FHIT: variants seen among roughly 807,000 people sequenced by gnomAD.
FHIT encodes the protein bis(5'-adenosyl)-triphosphatase.
In FHIT, 19 loss-of-function variants were observed where a neutral mutation model predicts 17.9. The ratio of observed to expected loss-of-function variants is 1.06; its 90% CI spans 0.74 to 1.56. The LOEUF is 1.56. Among genes scored for constraint, FHIT ranks in the 40% most tolerant of loss-of-function variants. The probability of loss-of-function intolerance (pLI) is 0.00; values close to 1 mark genes in which losing one functional copy is unlikely to be tolerated. For synonymous variants in FHIT, 81 were observed against 69.7 expected (o/e 1.16, Z -0.81); for missense variants, 248 against 189.2 (o/e 1.31, Z -1.82).
At chr3:60,517,634 T>C (rs891788938) in intron 5 of FHIT, among the ~76,000 whole-genome samples, 1 of 152,242 alleles carries the variant, frequency 6.6e-6, no homozygotes, top group East Asian at 1.9e-4. Context: ...GCATTTTATA[T>C]GAAAATTATA....
chr3:60,709,116 T>G (rs2041450165), intron 4 of FHIT, among the ~76,000 whole-genome samples: 1 of 152,232 alleles, frequency 6.6e-6, no homozygotes, highest in Non-Finnish European at 1.5e-5. Context: ...GTGGTTATGT[T>G]GGTTATATCT....
At chr3:60,924,020 T>C (rs1332638167) in intron 3 of FHIT, among the ~76,000 whole-genome samples, 1 of 152,034 alleles carries the variant, frequency 6.6e-6, no homozygotes, top group Non-Finnish European at 1.5e-5. Context: ...GAGGGGCCCC[T>C]GCCATTGCCG....
At chr3:60,803,110 G>C (rs1701253005) in intron 4 of FHIT, among the ~76,000 whole-genome samples, 1 of 152,170 alleles carries the variant, frequency 6.6e-6, no homozygotes, top group South Asian at 2.1e-4. Flanking sequence ...CACCTAGAAA[G>C]TGTAAGAAAA....
intron 7 of FHIT, among the ~76,000 whole-genome samples, chr3:59,961,977 G>A (rs9838143): frequency 0.026 from 3,984 of 152,204 alleles, 196 homozygotes; most frequent in African/African-American, 0.091. Context: ...CTAGCATGGT[G>A]TCTGGCATAT....
At chr3:60,927,457 G>A (rs1553770287) in intron 3 of FHIT, among the ~76,000 whole-genome samples, 1 of 152,130 alleles carries the variant, frequency 6.6e-6, no homozygotes, top group African/African-American at 2.4e-5. Flanking sequence ...CATCTGGGAT[G>A]TGAGGAGCCC....
At chr3:60,525,223 G>A (rs1383784304) in intron 5 of FHIT, among the ~76,000 whole-genome samples, 2 of 152,188 alleles carry the variant, frequency 1.3e-5, no homozygotes, top group African/African-American at 4.8e-5. Flanking sequence ...TTAAGAGCAT[G>A]CCAAATTTAG....
At chr3:61,152,003 G>A (rs1365529681) in intron 2 of FHIT, among the ~76,000 whole-genome samples, 1 of 152,142 alleles carries the variant, frequency 6.6e-6, no homozygotes, top group Non-Finnish European at 1.5e-5. Context: ...TTAGCTTATT[G>A]TAAGCCACTT....
chr3:60,239,442 G>A (rs1020178006), intron 5 of FHIT, among the ~76,000 whole-genome samples: 8 of 152,088 alleles, frequency 5.3e-5, no homozygotes, highest in African/African-American at 1.9e-4. Flanking sequence ...GCACATACCT[G>A]TAGTCCCAGC....
chr3:59,996,080 C>CA (rs996342301), intron 7 of FHIT, among the ~76,000 whole-genome samples: 3 of 151,744 alleles, frequency 2.0e-5, no homozygotes, highest in African/African-American at 4.8e-5. Context: ...AGTAGGTTCT[C>CA]AAAAAAACAA....
chr3:60,212,186 T>C (rs1373573762), intron 5 of FHIT, among the ~76,000 whole-genome samples: 5 of 152,132 alleles, frequency 3.3e-5, no homozygotes, highest in East Asian at 3.9e-4. Flanking sequence ...CTCATCAATA[T>C]GAATTTTAAG....
At chr3:60,120,020 C>G (rs1016040009) in intron 5 of FHIT, among the ~76,000 whole-genome samples, 1 of 152,152 alleles carries the variant, frequency 6.6e-6, no homozygotes, top group Non-Finnish European at 1.5e-5. Context: ...TCAGCCTAAT[C>G]AACATTCCTG....
chr3:61,023,990 T>C (rs983189217), intron 3 of FHIT, among the ~76,000 whole-genome samples: 3 of 151,946 alleles, frequency 2.0e-5, no homozygotes, highest in African/African-American at 7.2e-5. Flanking sequence ...AAAGCCAAAA[T>C]TGACAAATGG....
chr3:60,598,955 A>G (rs1553667732), intron 4 of FHIT, among the ~76,000 whole-genome samples: 12 of 152,188 alleles, frequency 7.9e-5, no homozygotes, highest in Non-Finnish European at 1.8e-4. Context: ...GCTGTCTGCC[A>G]AGGGATTTCC....
chr3:60,093,529 T>G (rs952497330), intron 5 of FHIT, among the ~76,000 whole-genome samples: 11 of 152,174 alleles, frequency 7.2e-5, no homozygotes, highest in Admixed American at 4.6e-4. Flanking sequence ...CCACAGTTTC[T>G]GGGGATTACG....
intron 3 of FHIT, among the ~76,000 whole-genome samples, chr3:60,906,905 G>C (rs1409963163): frequency 6.6e-6 from 1 of 152,080 alleles, no homozygotes; most frequent in Non-Finnish European, 1.5e-5. Context: ...TGAATAAATT[G>C]TTCTGATTAC....
intron 8 of FHIT, among the ~76,000 whole-genome samples, chr3:59,917,590 T>A (rs1245813908): frequency 6.6e-6 from 1 of 152,098 alleles, no homozygotes; most frequent in Admixed American, 6.5e-5. Flanking sequence ...TCATGAAAAT[T>A]TAAAGAACAT....
chr3:60,311,628 A>G (rs1708951850), intron 5 of FHIT, among the ~76,000 whole-genome samples: 1 of 152,230 alleles, frequency 6.6e-6, no homozygotes, highest in Non-Finnish European at 1.5e-5. Flanking sequence ...TGTTTGTCTA[A>G]AATAATGACA....
intron 6 of FHIT, among the ~76,000 whole-genome samples, chr3:60,013,326 A>G (rs1487715826): frequency 1.3e-5 from 2 of 152,178 alleles, no homozygotes; most frequent in Non-Finnish European, 2.9e-5. Context: ...CCAATTTCAG[A>G]GCCATGAAGG....
rs1491227939 is a variant in FHIT, at chr3:60,861,210, TGA to T, written c.-110-39201_-110-39200del. ...TGATATATATCATATATGATATATA[TGA>T]TATATATGATATATATGATATATCA... On this transcript the variant is annotated intron_variant, in intron 3 of 9. Coordinates refer to ENST00000492590, the MANE Select transcript of FHIT (RefSeq NM_002012.4). 8.0e-4 allele frequency among the ~76,000 whole-genome samples: 40 copies of T among 49,736 alleles called. 5 individuals are homozygous for T. The highest frequency in any genetic ancestry group is 1.8e-3 in the Non-Finnish European group (38 of 21,572). 32.6% of individuals were successfully genotyped at this position (49,736 alleles called of 152,430 possible).
Sources: gnomAD v4.1 joint callset for allele counts (sites outside exome capture counted in the v4.1 genomes callset) on GRCh38, gnomAD v4.1.1 for gene constraint, MANE v1.5 for transcripts, NCBI Gene and HGNC (gene_info 2026-07-23, HGNC 2026-07-21) for gene names.